Variants in MICU1 observed in about 807,000 individuals in gnomAD.
MICU1 encodes calcium uptake protein 1, mitochondrial.
MICU1 carries 45 observed loss-of-function variants against 56.8 expected under a neutral mutation model. The ratio of observed to expected loss-of-function variants is 0.79; its 90% CI spans 0.62 to 1.02. The LOEUF (loss-of-function observed/expected upper bound fraction) is 1.02. MICU1 is among the 50% of genes least tolerant of loss of function. The probability of loss-of-function intolerance (pLI) is 0.00; values close to 1 mark genes in which losing one functional copy is unlikely to be tolerated. For missense variants in MICU1, 504 were observed against 587.1 expected, an observed-to-expected ratio of 0.86 and a Z score of 1.46; for synonymous variants, 186 against 195.1, an observed-to-expected ratio of 0.95 and a Z score of 0.39.
chr10:72,566,757 G>C lies in MICU1; in HGVS notation c.37C>G (p.Leu13Val). ...TGGTACCATCGAGAACCCACAGCCA[G>C]TTCTGCCAAAGCAGAAAGTGAGTTC... ...RLNSLSALAELAVGSRWYHGG... is the reference protein window; with the variant it reads ...RLNSLSALAEVAVGSRWYHGG... The change falls in exon 2 of 12, where the codon CTG becomes GTG. Residue 13 changes from leucine (L) to valine (V), a missense_variant. Coordinates refer to ENST00000361114, the MANE Select transcript of MICU1 (RefSeq NM_001195518.2). 6.2e-7 allele frequency: 1 copy of C among 1,612,460 alleles called. No homozygotes were observed. Among genetic ancestry groups the C allele is most frequent in the African/African-American group, 1.3e-5 (1 of 74,956 alleles).
intron 9 of MICU1, among the ~76,000 whole-genome samples, chr10:72,416,119 T>C (rs143833233): frequency 2.0e-5 from 3 of 152,100 alleles, no homozygotes; most frequent in East Asian, 1.9e-4. Flanking sequence ...TGAAGTAGGC[T>C]CTCTTATCTG....
intron 1 of MICU1, among the ~76,000 whole-genome samples, chr10:72,591,598 T>C (rs1003099441): frequency 6.6e-6 from 1 of 152,172 alleles, no homozygotes; most frequent in Non-Finnish European, 1.5e-5. Context: ...TATGAACAAC[T>C]GTATACCAAC....
In MICU1 at chr10:72,562,947, G is replaced by A; in HGVS notation, c.278C>T (p.Ala93Val). 2 of 1,607,562 alleles carry A rather than the reference G, an allele frequency of 1.2e-6. No individual in the cohort carries two copies. The highest frequency in any genetic ancestry group is 1.7e-6 in the Non-Finnish European group (2 of 1,177,244). ...CTTCTTTTTCTCTTCTGGGTGAGGGGCAAGATCTGCAGTCTTTTTCTCATG... is the reference window on the plus strand; with the variant it reads ...CTTCTTTTTCTCTTCTGGGTGAGGGACAAGATCTGCAGTCTTTTTCTCATG... ...CNHEKKTADL[A>V]PHPEEKKKKR... Residue 93 changes from alanine (A) to valine (V), a missense_variant, in exon 3 of 12, where the codon GCC becomes GTC. By Grantham distance (64) the Ala-to-Val change is moderately conservative (BLOSUM62 0). Coordinates refer to ENST00000361114, the MANE Select transcript of MICU1 (RefSeq NM_001195518.2).
At chr10:72,437,153 T>C (rs949486143) in intron 8 of MICU1, among the ~76,000 whole-genome samples, 13 of 152,076 alleles carry the variant, frequency 8.5e-5, no homozygotes, top group African/African-American at 1.2e-4. Flanking sequence ...GAGAGAAAGG[T>C]TGAGTTACCC....
At chr10:72,525,399 G>A (rs777487987) in intron 5 of MICU1, among the ~76,000 whole-genome samples, 2 of 152,094 alleles carry the variant, frequency 1.3e-5, no homozygotes, top group Non-Finnish European at 2.9e-5. Flanking sequence ...CAATTCACAA[G>A]CCTACAGCTG....
At chr10:72,550,826 A>G (rs1247553760) in intron 4 of MICU1, among the ~76,000 whole-genome samples, 2 of 152,222 alleles carry the variant, frequency 1.3e-5, no homozygotes, top group African/African-American at 4.8e-5. Context: ...CCACTTTAAA[A>G]GTGTGTTAAT....
chr10:72,516,581 G>A (rs1867652090), intron 5 of MICU1, among the ~76,000 whole-genome samples: 1 of 152,154 alleles, frequency 6.6e-6, no homozygotes, highest in South Asian at 2.1e-4. Context: ...TTACATTTAA[G>A]TCTTTAATCC....
rs775220571 is a variant in MICU1 at position 72,508,308 on chromosome 10, A to G, written c.538-39T>C. On this transcript the variant is annotated intron_variant, in intron 5 of 11. Coordinates refer to ENST00000361114, the MANE Select transcript of MICU1 (RefSeq NM_001195518.2). ...GGGTCCCACCAAAAGACAAAAATAT[A>G]TAAGTGAATTAGAATATAAATAGTA... 1.7e-5 allele frequency: 14 copies of G among 833,746 alleles called. No homozygotes were observed. In the East Asian group the frequency reaches 3.6e-4, roughly 21 times the overall value. The allele number at this position is 833,746 out of a possible 1,614,324, so 51.6% of individuals were successfully genotyped here.
At chr10:72,476,824 T>C (rs1866139917) in intron 7 of MICU1, among the ~76,000 whole-genome samples, 1 of 152,202 alleles carries the variant, frequency 6.6e-6, no homozygotes, top group African/African-American at 2.4e-5. Context: ...TAAGAAAATA[T>C]GTAGTCCTTG....
At chr10:72,477,663 C>T in intron 6 of MICU1, 1 of 911,258 alleles carries the variant, frequency 1.1e-6, no homozygotes, top group East Asian at 2.7e-5. Flanking sequence ...AGTTGAAACA[C>T]TACATCTTAG....
rs150733309 is a variant in MICU1 at position 72,448,121 on chromosome 10, A to ATGTGTGTGTG, written c.934-24760_934-24751dup. ...GGCACCATGGAAAAAGTTTATATAT[A>ATGTGTGTGTG]TGTGTGTGTGTGTGTGTGTGTGTGT... On this transcript the variant is annotated intron_variant, in intron 8 of 11. Coordinates refer to ENST00000361114, the MANE Select transcript of MICU1 (RefSeq NM_001195518.2). Among the ~76,000 whole-genome samples the ATGTGTGTGTG allele has an allele frequency of 4.3e-3, 520 of 121,778 alleles. 3 individuals are homozygous for ATGTGTGTGTG. Among genetic ancestry groups the ATGTGTGTGTG allele is most frequent in the African/African-American group, 0.015 (473 of 30,764 alleles). 79.9% of individuals were successfully genotyped at this position (121,778 alleles called of 152,430 possible). A position where few individuals can be genotyped will look rare whatever the true frequency, so the allele number is the denominator to read the frequency against.
At chr10:72,441,093 A>G (rs1448107823) in intron 8 of MICU1, among the ~76,000 whole-genome samples, 2 of 152,192 alleles carry the variant, frequency 1.3e-5, no homozygotes, top group East Asian at 3.8e-4. Flanking sequence ...ATAAAGACAC[A>G]TGCACATGTA....
At chr10:72,408,421 G>A (rs1185225109) in intron 9 of MICU1, among the ~76,000 whole-genome samples, 1 of 152,074 alleles carries the variant, frequency 6.6e-6, no homozygotes, top group African/African-American at 2.4e-5. Context: ...CAATTCTCCT[G>A]CCTCAGCCTC....
intron 1 of MICU1, among the ~76,000 whole-genome samples, chr10:72,625,307 A>G (rs533339123): frequency 6.6e-6 from 1 of 152,204 alleles, no homozygotes; most frequent in African/African-American, 2.4e-5. Flanking sequence ...GAAAATTGGA[A>G]GGTAAAGAAA....
At chr10:72,439,108 T>G (rs1864832947) in intron 8 of MICU1, among the ~76,000 whole-genome samples, 1 of 152,140 alleles carries the variant, frequency 6.6e-6, no homozygotes, top group African/African-American at 2.4e-5. Flanking sequence ...AAAAGAGAAT[T>G]TTAGACCAAT....
chr10:72,457,103 C>T (rs1361645669), intron 8 of MICU1, among the ~76,000 whole-genome samples: 2 of 151,424 alleles, frequency 1.3e-5, no homozygotes, highest in Admixed American at 6.6e-5. Flanking sequence ...GAATTATAGG[C>T]TTGAGCCACC....
intron 3 of MICU1, among the ~76,000 whole-genome samples, chr10:72,556,304 G>A (rs1840157573): frequency 6.6e-6 from 1 of 152,124 alleles, no homozygotes; most frequent in African/African-American, 2.4e-5. Context: ...ATTTTTGGCA[G>A]TAATAGTAAT....
At chr10:72,492,345 A>G (rs1441832597) in intron 6 of MICU1, among the ~76,000 whole-genome samples, 1 of 152,216 alleles carries the variant, frequency 6.6e-6, no homozygotes, top group Non-Finnish European at 1.5e-5. Context: ...GAGAGATATG[A>G]GAATGTCTTA....
In MICU1 at chr10:72,601,621, C is replaced by G. The variant is rs764334778; in HGVS notation, c.-2+24389G>C. ...AAAAGACAGATTAACAACAAAAGAG[C>G]ATATAAATTTATTTAATGTAATTTT... is the stretch of plus-strand genomic sequence containing the variant. On this transcript the variant is annotated intron_variant, in intron 1 of 11. Transcript: ENST00000361114. Among the ~76,000 whole-genome samples the G allele has an allele frequency of 8.9e-4, 135 of 151,746 alleles. 2 individuals are homozygous for G. Among genetic ancestry groups the G allele is most frequent in the Non-Finnish European group, 1.5e-3 (105 of 67,948 alleles).
Sources: gnomAD v4.1 joint callset for allele counts (sites outside exome capture counted in the v4.1 genomes callset) on GRCh38, gnomAD v4.1.1 for gene constraint, MANE v1.5 for transcripts, NCBI Gene and HGNC (gene_info 2026-07-23, HGNC 2026-07-21) for gene names.